Variants in CLASRP observed in about 807,000 individuals in gnomAD.
The protein encoded by CLASRP is CLK4 associating serine/arginine rich protein, also known as CLK4-associating serine/arginine rich protein.
CLASRP carries 52 observed loss-of-function variants against 99.9 expected under a neutral mutation model. That is an observed-to-expected ratio of 0.52 (90% confidence interval 0.42 to 0.66). The LOEUF (loss-of-function observed/expected upper bound fraction) is 0.66. Among genes scored for constraint, CLASRP ranks in the 30% least tolerant of loss-of-function variants. The pLI, the probability that CLASRP is intolerant of heterozygous loss-of-function variation, is 0.00. For synonymous variants in CLASRP, 379 were observed against 373.0 expected (o/e 1.02, Z -0.18); for missense variants, 848 against 999.2 (o/e 0.85, Z 2.04).
rs757125905 is a variant in CLASRP, at chr19:45,067,533, C to A, written c.1606C>A (p.Pro536Thr). Residue 536 changes from proline (P) to threonine (T), a missense_variant, in exon 14 of 21, where the codon CCC becomes ACC. Physicochemically the swap from Pro to Thr is conservative, Grantham distance 38. Coordinates refer to ENST00000221455, the MANE Select transcript of CLASRP (RefSeq NM_007056.3). The surrounding 1 kb of genome is among the most constrained non-coding windows in gnomAD (Gnocchi z 4.9). ...RSRSQSPSPS[P>T]AREKLTRPAA... Reference sequence around the variant, plus strand: ...CCGCAGCCAGAGCCCCTCGCCATCACCCGCAAGAGAGAAGCTGACCAGGCC... The same window carrying A: ...CCGCAGCCAGAGCCCCTCGCCATCAACCGCAAGAGAGAAGCTGACCAGGCC... 1 of 1,604,120 alleles carries A rather than the reference C, an allele frequency of 6.2e-7. No individual in the cohort carries two copies. Among genetic ancestry groups the A allele is most frequent in the Non-Finnish European group, 8.5e-7 (1 of 1,178,516 alleles).
Position 45,064,513 on chromosome 19 carries a change from G to T in CLASRP, c.1292G>T (p.Arg431Leu). 6.5e-7 allele frequency: 1 copy of T among 1,535,554 alleles called. No individual in the cohort carries two copies. Residue 431 changes from arginine to leucine, a missense_variant, in exon 13 of 21, where the codon CGC becomes CTC. Coordinates refer to ENST00000221455, the MANE Select transcript of CLASRP (RefSeq NM_007056.3). ...TCCCGCTCCCGCTCCCGCTCCCGGC[G>T]CTATTCCCGGTCCCGTAGCCGTGGC... ...SWSRSRSRSR[R>L]YSRSRSRGRR...
intron 2 of CLASRP, among the ~76,000 whole-genome samples, chr19:45,051,320 T>C (rs982219394): frequency 2.6e-5 from 4 of 152,114 alleles, no homozygotes; most frequent in Non-Finnish European, 5.9e-5. Flanking sequence ...ATTTCTTTTT[T>C]TTTCTCTTTT....
At chr19:45,070,377 G>C (rs1967210924) in intron 19 of CLASRP, among the ~76,000 whole-genome samples, 160 bp from the exon 20 acceptor site, 1 of 152,174 alleles carries the variant, frequency 6.6e-6, no homozygotes, top group Admixed American at 6.5e-5. Flanking sequence ...TCCGGCATGG[G>C]CTGGTGAGGG....
intron 4 of CLASRP, 64 bp from the exon 5 acceptor site, chr19:45,053,034 C>A: frequency 1.9e-6 from 3 of 1,590,998 alleles, no homozygotes. Flanking sequence ...CATTTCCCTT[C>A]CTGCTGGCTT....
At chr19:45,048,823 T>G (rs925905034) in intron 2 of CLASRP, among the ~76,000 whole-genome samples, 7 of 151,820 alleles carry the variant, frequency 4.6e-5, no homozygotes, top group Admixed American at 2.6e-4. Flanking sequence ...CTGTCTCTAC[T>G]AAAAATACCA....
chr19:45,049,629 G>C (rs374402042), intron 2 of CLASRP, among the ~76,000 whole-genome samples: 1 of 152,198 alleles, frequency 6.6e-6, no homozygotes, highest in Non-Finnish European at 1.5e-5. Flanking sequence ...TGGAGACAGA[G>C]TGAGGATGTG....
intron 11 of CLASRP, among the ~76,000 whole-genome samples, chr19:45,063,253 C>T (rs1279669044): frequency 1.3e-5 from 2 of 151,452 alleles, no homozygotes; most frequent in Non-Finnish European, 2.9e-5. Context: ...GCAGTCCTCC[C>T]ACCTGGGCCT....
At chr19:45,064,297 C>T (rs1286926463) in intron 12 of CLASRP, 46 bp from the exon 13 acceptor site, 1 of 1,506,438 alleles carries the variant, frequency 6.6e-7, no homozygotes, top group Non-Finnish European at 8.8e-7. Context: ...AGAGGGGGGC[C>T]GCGGCTCAGG....
Position 45,060,289 on chromosome 19 carries a change from G to C in CLASRP, c.711-100G>C, listed in dbSNP as rs547864623. The C allele has an allele frequency of 4.9e-6, 5 of 1,029,056 alleles. No homozygotes were observed. Among genetic ancestry groups the C allele is most frequent in the Admixed American group, 1.8e-5 (1 of 55,488 alleles). 63.7% of individuals were successfully genotyped at this position (1,029,056 alleles called of 1,614,324 possible). A position where few individuals can be genotyped will look rare whatever the true frequency, so the allele number is the denominator to read the frequency against. On this transcript the variant is annotated intron_variant, in intron 8 of 20. Transcript: ENST00000221455. This position sits in a 1 kb window ranked among gnomAD's most constrained non-coding sequence, Gnocchi z 4.6. ...TGAAAGATACCTCAGGCTGGCGTGG[G>C]GTGACTCAGGTCCCTCACTTTCTCT...
In CLASRP at chr19:45,067,971, C is replaced by T. The variant is rs1231968270; in HGVS notation, c.1668-44C>T. On this transcript the variant is annotated intron_variant, in intron 14 of 20. Transcript: ENST00000221455. This position sits in a 1 kb window ranked among gnomAD's most constrained non-coding sequence, Gnocchi z 4.9. ...GCTGGGGTCAGAGGTGGCAGCTGCC[C>T]TTTCCCCCTCCCAACCATGTCCTCT... 1.4e-6 allele frequency: 2 copies of T among 1,471,998 alleles called. No individual in the cohort carries two copies. Among genetic ancestry groups the T allele is most frequent in the South Asian group, 1.1e-5 (1 of 88,208 alleles). 91.2% of individuals were successfully genotyped at this position (1,471,998 alleles called of 1,614,324 possible). A position where few individuals can be genotyped will look rare whatever the true frequency, so the allele number is the denominator to read the frequency against.
intron 5 of CLASRP, among the ~76,000 whole-genome samples, chr19:45,056,106 T>G (rs965472249): frequency 6.6e-6 from 1 of 151,988 alleles, no homozygotes; most frequent in Admixed American, 6.6e-5. Flanking sequence ...AGGAGCAGGT[T>G]ATGGTTCTGA....
Position 45,060,549 on chromosome 19 carries a change from T to C in CLASRP, c.790-5T>C. On this transcript the variant is annotated splice_region_variant and splice_polypyrimidine_tract_variant and intron_variant, in intron 9 of 20. Transcript: ENST00000221455. The surrounding 1 kb of genome is among the most constrained non-coding windows in gnomAD (Gnocchi z 4.6). ...CTCACCAACCTGGCACCCACCCTAC[T>C]CCAGGGACGCCGCTCTCGACGCCAG... 1 of 1,613,624 alleles carries C rather than the reference T, an allele frequency of 6.2e-7. No homozygotes were observed. Among genetic ancestry groups the C allele is most frequent in the Non-Finnish European group, 8.5e-7 (1 of 1,179,750 alleles).
intron 2 of CLASRP, 125 bp downstream of exon 2, chr19:45,040,436 C>G (rs905282266): frequency 1.6e-6 from 1 of 633,328 alleles, no homozygotes; most frequent in African/African-American, 1.8e-5. Flanking sequence ...GGAGTATATT[C>G]ATTAATCTTT....
At position 45,068,726 on chromosome 19, in the gene CLASRP, C is replaced by T. The variant is rs138140227; in HGVS notation, c.1768+246C>T. ...TAGAGAGTGGGGCTCTTAGCGGGCA[C>T]GGTGGCTCACACCTGTAATCCCAGC... On this transcript the variant is annotated intron_variant, in intron 16 of 20. Coordinates refer to ENST00000221455, the MANE Select transcript of CLASRP (RefSeq NM_007056.3). Among the ~76,000 whole-genome samples the T allele has an allele frequency of 7.6e-3, 1,160 of 152,280 alleles. 13 individuals are homozygous for T. Among genetic ancestry groups the T allele is most frequent in the African/African-American group, 0.026 (1,093 of 41,556 alleles).
intron 11 of CLASRP, 44 bp from the exon 12 acceptor site, chr19:45,063,968 C>T (rs1259902399): frequency 1.3e-6 from 2 of 1,555,642 alleles, no homozygotes; most frequent in East Asian, 4.7e-5. Context: ...CCCGAAGAGG[C>T]TCCGGGAGCC....
At chr19:45,042,295 A>G (rs1054805578) in intron 2 of CLASRP, among the ~76,000 whole-genome samples, 1 of 152,146 alleles carries the variant, frequency 6.6e-6, no homozygotes, top group African/African-American at 2.4e-5. Flanking sequence ...TGTGCTTTAG[A>G]AAGGCCTCCT....
rs1342753772 is a variant in CLASRP at position 45,051,981 on chromosome 19, A to C, written c.100-90A>C. On this transcript the variant is annotated intron_variant, in intron 2 of 20. Coordinates refer to ENST00000221455, the MANE Select transcript of CLASRP (RefSeq NM_007056.3). ...AGGCTCCATCTCAAAAAAAAAAAGA[A>C]GTGAGCTTGCTGCTAAGCTCGGTTG... is the stretch of plus-strand genomic sequence containing the variant. 6 of 963,288 alleles carry C rather than the reference A, an allele frequency of 6.2e-6. No individual in the cohort carries two copies. The Admixed American group carries it at 6.3e-5, about 10-fold the overall frequency. 59.7% of individuals were successfully genotyped at this position (963,288 alleles called of 1,614,324 possible). A position where few individuals can be genotyped will look rare whatever the true frequency, so the allele number is the denominator to read the frequency against.
chr19:45,047,262 T>A (rs1360626375), intron 2 of CLASRP, among the ~76,000 whole-genome samples: 1 of 151,964 alleles, frequency 6.6e-6, no homozygotes, highest in Non-Finnish European at 1.5e-5. Context: ...CTAAGTGAAA[T>A]AAGCCAGTCG....
intron 6 of CLASRP, 75 bp from the exon 7 acceptor site, chr19:45,057,675 A>C: frequency 6.4e-7 from 1 of 1,567,214 alleles, no homozygotes; most frequent in Non-Finnish European, 8.7e-7. Context: ...GGCACTCGAG[A>C]CTGGTGTGTG....
Sources: gnomAD v4.1 joint callset for allele counts (sites outside exome capture counted in the v4.1 genomes callset) on GRCh38, gnomAD v4.1.1 for gene constraint, Gnocchi (gnomAD v3.1) non-coding constraint, MANE v1.5 for transcripts, NCBI Gene and HGNC (gene_info 2026-07-23, HGNC 2026-07-21) for gene names.